The following PCDH9 variants were observed in gnomAD, a reference collection of about 807,000 sequenced individuals.
PCDH9 encodes protocadherin-9.
A neutral mutation model predicts 70.6 loss-of-function variants in PCDH9; 24 were observed. The observed-to-expected ratio is 0.34, with a 90% CI of 0.25 to 0.48. The LOEUF (loss-of-function observed/expected upper bound fraction) is 0.48. Among genes scored for constraint, PCDH9 ranks in the 20% least tolerant of loss-of-function variants. The pLI is 0.99. For missense variants in PCDH9, 1,281 were observed against 1,503.6 expected (o/e 0.85, Z 2.45); for synonymous variants, 562 against 558.5 (o/e 1.01, Z -0.09).
At chr13:66,336,351 A>G (rs956337950) in intron 4 of PCDH9, among the ~76,000 whole-genome samples, 1 of 151,982 alleles carries the variant, frequency 6.6e-6, no homozygotes, top group Non-Finnish European at 1.5e-5. Flanking sequence ...TTGGTGCTAA[A>G]TGCAAAATCA....
At chr13:67,201,526 A>G (rs1209590124) in intron 2 of PCDH9, 3 of 151,992 alleles carry the variant, frequency 2.0e-5, no homozygotes, top group Non-Finnish European at 4.4e-5. Flanking sequence ...AATTCTACCA[A>G]TTTTTAACAG....
chr13:66,423,304 C>T (rs1264599048), intron 4 of PCDH9, among the ~76,000 whole-genome samples: 2 of 151,904 alleles, frequency 1.3e-5, no homozygotes, highest in South Asian at 2.1e-4. Flanking sequence ...AAGGGGGACT[C>T]CTCCCTAACT....
intron 4 of PCDH9, among the ~76,000 whole-genome samples, chr13:66,605,142 C>T (rs1394969586): frequency 6.6e-6 from 1 of 152,022 alleles, no homozygotes; most frequent in Non-Finnish European, 1.5e-5. Flanking sequence ...CTTACCACAA[C>T]TGGTGTACAC....
intron 3 of PCDH9, among the ~76,000 whole-genome samples, chr13:66,754,086 CT>C (rs1343970340): frequency 4.6e-5 from 7 of 151,700 alleles, no homozygotes; most frequent in African/African-American, 1.7e-4. Context: ...TATTTCTTGA[CT>C]TTTATTCTCT....
At chr13:66,653,905 T>G (rs1444051603) in intron 3 of PCDH9, among the ~76,000 whole-genome samples, 1 of 150,182 alleles carries the variant, frequency 6.7e-6, no homozygotes, top group African/African-American at 2.5e-5. Flanking sequence ...GAGGCAGAGC[T>G]TGCAGTGAGC....
intron 4 of PCDH9, among the ~76,000 whole-genome samples, chr13:66,605,769 T>C (rs1054979509): frequency 2.0e-5 from 3 of 152,164 alleles, no homozygotes; most frequent in African/African-American, 7.2e-5. Flanking sequence ...TTATACAATA[T>C]CATGTGTGGC....
At chr13:66,798,658 GC>G (rs1164706743) in intron 3 of PCDH9, among the ~76,000 whole-genome samples, 2 of 152,032 alleles carry the variant, frequency 1.3e-5, no homozygotes, top group Non-Finnish European at 2.9e-5. Flanking sequence ...CATCTTCATC[GC>G]CTTCCCAATA....
intron 3 of PCDH9, among the ~76,000 whole-genome samples, chr13:66,853,201 C>CAAT (rs71207610): frequency 0.5 from 72,909 of 145,504 alleles, 18,736 homozygotes; most frequent in Non-Finnish European, 0.55. Context: ...TGAATAGTAG[C>CAAT]AATAATAATA....
At chr13:66,899,310 A>G in intron 3 of PCDH9, among the ~76,000 whole-genome samples, 1 of 152,050 alleles carries the variant, frequency 6.6e-6, no homozygotes, top group Non-Finnish European at 1.5e-5. Context: ...CATGAATTTC[A>G]TACTCATGAT....
intron 2 of PCDH9, among the ~76,000 whole-genome samples, chr13:67,149,006 C>T (rs2087592447): frequency 6.6e-6 from 1 of 152,096 alleles, no homozygotes; most frequent in Non-Finnish European, 1.5e-5. Flanking sequence ...ACCTATAGAG[C>T]AAAACTTACA....
chr13:67,180,525 A>G (rs1485472434), intron 2 of PCDH9, among the ~76,000 whole-genome samples: 2 of 152,106 alleles, frequency 1.3e-5, no homozygotes, highest in Non-Finnish European at 2.9e-5. Flanking sequence ...CACATTATTT[A>G]TATCTTCAAG....
At chr13:66,824,744 A>C (rs2080787608) in intron 3 of PCDH9, among the ~76,000 whole-genome samples, 1 of 149,036 alleles carries the variant, frequency 6.7e-6, no homozygotes, top group African/African-American at 2.5e-5. Flanking sequence ...ATATATACAC[A>C]CACACATACA....
chr13:66,947,168 G>A (rs2083101632), intron 2 of PCDH9, among the ~76,000 whole-genome samples: 1 of 152,124 alleles, frequency 6.6e-6, no homozygotes, highest in South Asian at 2.1e-4. Context: ...TACAAGGTCA[G>A]ACAATTCTTT....
intron 4 of PCDH9, among the ~76,000 whole-genome samples, chr13:66,370,818 A>T (rs990265653): frequency 6.6e-6 from 1 of 151,906 alleles, no homozygotes; most frequent in African/African-American, 2.4e-5. Context: ...TTGGCCTCCT[A>T]TTGCCATAGT....
intron 4 of PCDH9, among the ~76,000 whole-genome samples, chr13:66,387,158 T>G (rs1369700592): frequency 2.6e-5 from 4 of 152,202 alleles, no homozygotes; most frequent in Non-Finnish European, 5.9e-5. Flanking sequence ...AAGCATCTTC[T>G]TAATTATTGT....
intron 1 of PCDH9, among the ~76,000 whole-genome samples, 164 bp downstream of exon 1, chr13:67,229,616 G>A (rs1270713586): frequency 6.6e-6 from 1 of 152,174 alleles, no homozygotes; most frequent in Non-Finnish European, 1.5e-5. Context: ...AGTAGCTGAT[G>A]CCCGCGATTA....
intron 2 of PCDH9, among the ~76,000 whole-genome samples, chr13:67,055,638 C>CT (rs1454161565): frequency 1.9e-4 from 1 of 5,374 alleles, no homozygotes; most frequent in Non-Finnish European, 5.8e-4. Flanking sequence ...AAGACTGCAT[C>CT]TCAAAAAAAA....
intron 2 of PCDH9, among the ~76,000 whole-genome samples, chr13:67,051,485 C>T (rs374780375): frequency 4.1e-5 from 6 of 145,558 alleles, no homozygotes; most frequent in African/African-American, 1.3e-4. Flanking sequence ...CTCCGCCTCC[C>T]GGGTTCAAGT....
chr13:66,594,341 C>A (rs887596367), intron 4 of PCDH9, among the ~76,000 whole-genome samples: 1 of 151,620 alleles, frequency 6.6e-6, no homozygotes, highest in Non-Finnish European at 1.5e-5. Context: ...GTGAAAGAAA[C>A]GTGCAACTAC....
Sources: gnomAD v4.1 joint callset for allele counts (sites outside exome capture counted in the v4.1 genomes callset) on GRCh38, gnomAD v4.1.1 for gene constraint, MANE v1.5 for transcripts, NCBI Gene and HGNC (gene_info 2026-07-23, HGNC 2026-07-21) for gene names.